IQCH: variants seen among roughly 807,000 people sequenced by gnomAD.
IQCH encodes the protein IQ motif containing H.
A neutral mutation model predicts 117.0 loss-of-function variants in IQCH; 98 were observed. The observed-to-expected ratio is 0.84, with a 90% CI of 0.71 to 0.99. The LOEUF is 0.99. Ranked by LOEUF, IQCH falls within the 50% of genes least tolerant of loss-of-function variation. The pLI is 0.00. For missense variants in IQCH, 1,102 were observed against 1,243.8 expected (o/e 0.89, Z 1.72); for synonymous variants, 412 against 448.2 (o/e 0.92, Z 1.02).
At chr15:67,322,026 A>C (rs1596176901) in intron 4 of IQCH, among the ~76,000 whole-genome samples, 1 of 152,322 alleles carries the variant, frequency 6.6e-6, no homozygotes, top group Non-Finnish European at 1.5e-5. Flanking sequence ...TTAAAAATTA[A>C]TTGTTCTACC....
rs2082845895 is a variant in IQCH at position 67,463,362 on chromosome 15, G to A, written c.2506-1765G>A. ...CATGTCTTATATTAAACACAAACAT[G>A]TTCTGATCCTCTGCAACTTTAGTTT... On this transcript the variant is annotated intron_variant, in intron 16 of 20. Transcript: ENST00000335894. The surrounding 1 kb of genome is among the most constrained non-coding windows in gnomAD (Gnocchi z 4.0). 6.6e-6 allele frequency among the ~76,000 whole-genome samples: 1 copy of A among 152,130 alleles called. No individual in the cohort carries two copies. The highest frequency in any genetic ancestry group is 1.5e-5 in the Non-Finnish European group (1 of 68,022).
intron 6 of IQCH, among the ~76,000 whole-genome samples, chr15:67,357,124 T>C (rs1346686358): frequency 6.6e-6 from 1 of 152,242 alleles, no homozygotes; most frequent in Non-Finnish European, 1.5e-5. Context: ...TAAGGCGGGC[T>C]GACTTTGTAT....
rs1481914741 is a variant in IQCH, at chr15:67,458,412, C to T, written c.2506-6715C>T. ...TAATACAACCACTTCTCCCACCTTC[C>T]AGTTACCAGTGTGGTCCAGCCACCA... is the stretch of plus-strand genomic sequence containing the variant. On this transcript the variant is annotated intron_variant, in intron 16 of 20. Transcript: ENST00000335894. This position sits in a 1 kb window ranked among gnomAD's most constrained non-coding sequence, Gnocchi z 4.1. Among the ~76,000 whole-genome samples the T allele has an allele frequency of 6.6e-6, 1 of 152,208 alleles. No individual in the cohort carries two copies. The highest frequency in any genetic ancestry group is 1.5e-5 in the Non-Finnish European group (1 of 68,040).
At chr15:67,450,652 A>G (rs971604141) in intron 16 of IQCH, among the ~76,000 whole-genome samples, 10 of 152,114 alleles carry the variant, frequency 6.6e-5, no homozygotes, top group African/African-American at 2.2e-4. Flanking sequence ...TTTTTGCATC[A>G]ATGTTCATCA....
At chr15:67,368,873 C>T (rs1015545774) in intron 8 of IQCH, among the ~76,000 whole-genome samples, 2 of 152,160 alleles carry the variant, frequency 1.3e-5, no homozygotes, top group East Asian at 3.9e-4. Context: ...GTAGTTATTT[C>T]TAAATTTTAT....
chr15:67,256,835 G>C (rs1965238215), intron 1 of IQCH, among the ~76,000 whole-genome samples: 3 of 152,108 alleles, frequency 2.0e-5, no homozygotes, highest in Admixed American at 1.3e-4. Context: ...GCTGTGTAGA[G>C]GAAGAGAGCC....
At chr15:67,410,144 C>A (rs1269445828) in intron 14 of IQCH, among the ~76,000 whole-genome samples, 4 of 152,216 alleles carry the variant, frequency 2.6e-5, no homozygotes, top group Admixed American at 2.6e-4. Context: ...AAACACCCAT[C>A]ATGGGTTGTG....
At chr15:67,343,176 A>C (rs955889346) in intron 5 of IQCH, among the ~76,000 whole-genome samples, 3 of 152,164 alleles carry the variant, frequency 2.0e-5, no homozygotes, top group African/African-American at 7.2e-5. Context: ...TGTGTGCCAA[A>C]TTCTTCAACT....
At position 67,365,426 on chromosome 15, in the gene IQCH, A is replaced by G. The variant is rs1970297887; in HGVS notation, c.753+5541A>G. The stretch of plus-strand genomic sequence containing the variant: ...TAAATTTTAGTATTCACACTTTCAT[A>G]CATTCATTCATTCAACTAATCCTTT... On this transcript the variant is annotated intron_variant, in intron 8 of 20. Transcript: ENST00000335894. The surrounding 1 kb of genome is among the most constrained non-coding windows in gnomAD (Gnocchi z 4.4). 6.6e-6 allele frequency among the ~76,000 whole-genome samples: 1 copy of G among 152,182 alleles called. No homozygotes were observed. The highest frequency in any genetic ancestry group is 1.5e-5 in the Non-Finnish European group (1 of 68,026).
rs1027186306 is a variant in IQCH at position 67,473,841 on chromosome 15, C to A, written c.2677-1855C>A. Reference sequence around the variant, plus strand: ...GTTGTTAGAAAAATCCCAATGGCTACAAATGGGACGCTACAAGTGGGGTAA... The same window carrying A: ...GTTGTTAGAAAAATCCCAATGGCTAAAAATGGGACGCTACAAGTGGGGTAA... On this transcript the variant is annotated intron_variant, in intron 17 of 20. Coordinates refer to ENST00000335894, the MANE Select transcript of IQCH (RefSeq NM_001031715.3). This position sits in a 1 kb window ranked among gnomAD's most constrained non-coding sequence, Gnocchi z 4.9. Among the ~76,000 whole-genome samples the A allele has an allele frequency of 3.9e-5, 6 of 152,038 alleles. No homozygotes were observed. The highest frequency in any genetic ancestry group is 5.9e-5 in the Non-Finnish European group (4 of 68,008).
intron 20 of IQCH, among the ~76,000 whole-genome samples, chr15:67,498,743 G>T (rs2083896299): frequency 6.6e-6 from 1 of 152,084 alleles, no homozygotes; most frequent in Non-Finnish European, 1.5e-5. Context: ...CTTAGACATG[G>T]TGCCTAAAGC....
At position 67,474,902 on chromosome 15, in the gene IQCH, C is replaced by T. The variant is rs563378146; in HGVS notation, c.2677-794C>T. ...AGTGAGGAAAATGGCAGTTTGCCCA[C>T]GTGGTCTTCCTCTCAAAAACACATT... On this transcript the variant is annotated intron_variant, in intron 17 of 20. Coordinates refer to ENST00000335894, the MANE Select transcript of IQCH (RefSeq NM_001031715.3). The surrounding 1 kb of genome is among the most constrained non-coding windows in gnomAD (Gnocchi z 4.1). Among the ~76,000 whole-genome samples, 9 of 152,202 alleles carry T rather than the reference C, an allele frequency of 5.9e-5. No homozygotes were observed. Among genetic ancestry groups the T allele is most frequent in the African/African-American group, 1.9e-4 (8 of 41,448 alleles).
chr15:67,343,475 C>T (rs1413065548), intron 5 of IQCH, among the ~76,000 whole-genome samples: 6 of 152,192 alleles, frequency 3.9e-5, no homozygotes, highest in Admixed American at 6.5e-5. Context: ...GCCATGCTAA[C>T]ACAGTATGAA....
At chr15:67,437,222 C>T (rs778108453) in intron 16 of IQCH, among the ~76,000 whole-genome samples, 2 of 152,216 alleles carry the variant, frequency 1.3e-5, no homozygotes, top group Non-Finnish European at 2.9e-5. Context: ...ATATGGTTCA[C>T]ATCACAGGAC....
rs34065535 is a variant in IQCH at position 67,427,829 on chromosome 15, ATTT to A, written c.2505+6267_2505+6269del. On this transcript the variant is annotated intron_variant, in intron 16 of 20. Coordinates refer to ENST00000335894, the MANE Select transcript of IQCH (RefSeq NM_001031715.3). The surrounding 1 kb of genome is among the most constrained non-coding windows in gnomAD (Gnocchi z 4.7). ...CAAGTAGTCTAAATTCCAATAATAG[ATTT>A]TTTTTTTTTTTTTTGAAGCAGAATC... Among the ~76,000 whole-genome samples, 4 of 141,656 alleles carry A rather than the reference ATTT, an allele frequency of 2.8e-5. No homozygotes were observed. The highest frequency in any genetic ancestry group is 5.2e-5 in the African/African-American group (2 of 38,794). 92.9% of individuals were successfully genotyped at this position (141,656 alleles called of 152,430 possible). A position where few individuals can be genotyped will look rare whatever the true frequency, so the allele number is the denominator to read the frequency against.
chr15:67,279,179 A>G (rs920358623), intron 3 of IQCH, among the ~76,000 whole-genome samples: 8 of 152,224 alleles, frequency 5.3e-5, no homozygotes, highest in East Asian at 1.9e-4. Flanking sequence ...TCATGCTATA[A>G]TGGTCTTTAT....
chr15:67,415,532 G>C (rs922086326), intron 14 of IQCH, among the ~76,000 whole-genome samples: 3 of 152,198 alleles, frequency 2.0e-5, no homozygotes, highest in African/African-American at 7.2e-5. Context: ...TGAGGGCATA[G>C]TGTCAGATGT....
At chr15:67,329,655 G>C (rs936045480) in intron 4 of IQCH, among the ~76,000 whole-genome samples, 1 of 151,900 alleles carries the variant, frequency 6.6e-6, no homozygotes, top group Admixed American at 6.6e-5. Flanking sequence ...TTTTTGTGGA[G>C]CCTGGATCTC....
chr15:67,392,290 A>G (rs1184244509), intron 12 of IQCH, among the ~76,000 whole-genome samples: 1 of 152,220 alleles, frequency 6.6e-6, no homozygotes, highest in Non-Finnish European at 1.5e-5. Flanking sequence ...TCGTAACTCA[A>G]GTCACCCATT....
Sources: gnomAD v4.1 joint callset for allele counts (sites outside exome capture counted in the v4.1 genomes callset) on GRCh38, gnomAD v4.1.1 for gene constraint, Gnocchi (gnomAD v3.1) non-coding constraint, MANE v1.5 for transcripts, NCBI Gene and HGNC (gene_info 2026-07-23, HGNC 2026-07-21) for gene names.